The following SCFD2 variants were observed in gnomAD, a reference collection of about 807,000 sequenced individuals.
The protein encoded by SCFD2 is sec1 family domain-containing protein 2.
SCFD2 carries 54 observed loss-of-function variants against 58.9 expected under a neutral mutation model. The ratio of observed to expected loss-of-function variants is 0.92; its 90% CI spans 0.74 to 1.15. The LOEUF (loss-of-function observed/expected upper bound fraction) is 1.15. Ranked by LOEUF, SCFD2 falls within the 50% of genes most tolerant of loss-of-function variation. The probability of loss-of-function intolerance (pLI) is 0.00; values close to 1 mark genes in which losing one functional copy is unlikely to be tolerated. For synonymous variants in SCFD2, 321 were observed against 335.9 expected, an observed-to-expected ratio of 0.96 and a Z score of 0.49; for missense variants, 805 against 836.6, an observed-to-expected ratio of 0.96 and a Z score of 0.47.
intron 4 of SCFD2, among the ~76,000 whole-genome samples, chr4:53,230,515 C>T (rs1424488214): frequency 2.7e-5 from 4 of 150,484 alleles, no homozygotes; most frequent in South Asian, 4.2e-4. Flanking sequence ...AGCAAACTAT[C>T]GCAAGGACAA....
At chr4:53,230,085 C>A (rs1434209368) in intron 4 of SCFD2, among the ~76,000 whole-genome samples, 2 of 152,272 alleles carry the variant, frequency 1.3e-5, no homozygotes, top group East Asian at 3.9e-4. Context: ...CCATCTCACA[C>A]CAGTTAGAAT....
At chr4:53,315,946 AC>A (rs1313617800) in intron 2 of SCFD2, among the ~76,000 whole-genome samples, 6 of 152,060 alleles carry the variant, frequency 3.9e-5, no homozygotes, top group African/African-American at 1.4e-4. Flanking sequence ...TCGAACTCCA[AC>A]CATGCTCCTC....
chr4:53,016,606 A>G (rs774354648), intron 5 of SCFD2, among the ~76,000 whole-genome samples: 1 of 152,258 alleles, frequency 6.6e-6, no homozygotes, highest in Non-Finnish European at 1.5e-5. Context: ...TATTCGAAAT[A>G]TTCTTTGTAC....
chr4:53,326,256 C>A (rs898721930), intron 2 of SCFD2, among the ~76,000 whole-genome samples: 61 of 152,258 alleles, frequency 4.0e-4, no homozygotes, highest in African/African-American at 1.4e-3. Flanking sequence ...AATCCTCCCA[C>A]CTCAGCCTTC....
chr4:53,115,460 G>A (rs996221274), intron 5 of SCFD2, among the ~76,000 whole-genome samples: 1 of 152,044 alleles, frequency 6.6e-6, no homozygotes, highest in African/African-American at 2.4e-5. Flanking sequence ...CTTTCATCTT[G>A]AGTCCTAAAA....
intron 5 of SCFD2, among the ~76,000 whole-genome samples, chr4:53,086,554 C>T (rs920470776): frequency 2.0e-5 from 3 of 152,170 alleles, no homozygotes; most frequent in Admixed American, 6.5e-5. Flanking sequence ...GAAAGAAAAT[C>T]AGTATGTCAA....
At chr4:52,879,904 C>T (rs1370857710) in intron 8 of SCFD2, among the ~76,000 whole-genome samples, 2 of 152,208 alleles carry the variant, frequency 1.3e-5, no homozygotes, top group Non-Finnish European at 2.9e-5. Flanking sequence ...TTGGGAGATT[C>T]TTCCCCAAAG....
intron 1 of SCFD2, among the ~76,000 whole-genome samples, chr4:53,355,365 C>T (rs1228996595): frequency 6.6e-6 from 1 of 152,150 alleles, no homozygotes; most frequent in Non-Finnish European, 1.5e-5. Context: ...AGAAGATAGA[C>T]ATGTTAACTT....
intron 5 of SCFD2, among the ~76,000 whole-genome samples, chr4:52,961,859 C>T (rs369285036): frequency 6.8e-4 from 104 of 152,114 alleles, no homozygotes; most frequent in African/African-American, 2.4e-3. Context: ...AGTGGTGAGA[C>T]TGGAATCTGG....
chr4:53,116,729 T>A (rs1380943915), intron 5 of SCFD2, among the ~76,000 whole-genome samples: 1 of 152,138 alleles, frequency 6.6e-6, no homozygotes, highest in Non-Finnish European at 1.5e-5. Flanking sequence ...TATGATTAAT[T>A]CAGTTGGATT....
intron 4 of SCFD2, among the ~76,000 whole-genome samples, chr4:53,267,864 T>TA (rs1731037560): frequency 6.6e-6 from 1 of 152,146 alleles, no homozygotes; most frequent in Non-Finnish European, 1.5e-5. Context: ...TAATTACAAA[T>TA]AAAAAATGGC....
At chr4:53,143,924 C>T (rs1726241876) in intron 5 of SCFD2, among the ~76,000 whole-genome samples, 1 of 151,864 alleles carries the variant, frequency 6.6e-6, no homozygotes, top group Non-Finnish European at 1.5e-5. Context: ...CAGGCTCAAT[C>T]CATACGCATG....
chr4:52,915,426 A>G lies in SCFD2; in HGVS notation c.1707+5299T>C, dbSNP rs141293264. ...TCATTTTGTTTCAACCCAAGACAGC[A>G]CAGAAAAACATCTGTTCAAAATTGC... On this transcript the variant is annotated intron_variant, in intron 6 of 8. Transcript: ENST00000401642. 3.3e-5 allele frequency among the ~76,000 whole-genome samples: 5 copies of G among 152,346 alleles called. No homozygotes were observed. The East Asian group carries it at 9.6e-4, about 29-fold the overall frequency.
chr4:53,116,757 A>G (rs1176633865), intron 5 of SCFD2, among the ~76,000 whole-genome samples: 2 of 152,210 alleles, frequency 1.3e-5, no homozygotes, highest in African/African-American at 4.8e-5. Context: ...ATATCTGACA[A>G]TGAAAAGAAC....
intron 2 of SCFD2, among the ~76,000 whole-genome samples, chr4:53,331,368 T>G (rs985807454): frequency 1.3e-5 from 2 of 151,952 alleles, no homozygotes; most frequent in Non-Finnish European, 2.9e-5. Context: ...TCAGCAAATG[T>G]AAAAGAACAG....
chr4:53,359,466 C>T (rs926102884), intron 1 of SCFD2, among the ~76,000 whole-genome samples: 2 of 152,130 alleles, frequency 1.3e-5, no homozygotes, highest in Admixed American at 6.5e-5. Context: ...CCTCTCAGGC[C>T]TGTAATCCCA....
chr4:53,180,079 T>G (rs754922147), intron 4 of SCFD2, among the ~76,000 whole-genome samples: 3 of 152,082 alleles, frequency 2.0e-5, no homozygotes, highest in Non-Finnish European at 4.4e-5. Flanking sequence ...ACTGTCAACA[T>G]TAGACAGAAC....
At chr4:53,271,315 G>GCACA (rs143526060) in intron 4 of SCFD2, among the ~76,000 whole-genome samples, 13 of 147,344 alleles carry the variant, frequency 8.8e-5, no homozygotes, top group East Asian at 2.0e-4. Flanking sequence ...ACACACACAC[G>GCACA]CACACACACA....
chr4:53,127,496 C>A (rs1349288946), intron 5 of SCFD2, among the ~76,000 whole-genome samples: 1 of 152,172 alleles, frequency 6.6e-6, no homozygotes, highest in East Asian at 1.9e-4. Flanking sequence ...GGAGGGAAGG[C>A]AGACACTAAT....
Sources: allele counts gnomAD v4.1 joint callset (sites outside exome capture counted in the v4.1 genomes callset), GRCh38; gene constraint gnomAD v4.1.1; transcripts MANE v1.5; gene names NCBI Gene and HGNC (gene_info 2026-07-23, HGNC 2026-07-21).